Variants in ANK3 observed in about 807,000 individuals in gnomAD.
ANK3 encodes ankyrin 3.
Under a neutral mutation model 370.9 loss-of-function variants are expected in ANK3, and 57 were observed. The ratio of observed to expected loss-of-function variants is 0.15; its 90% CI spans 0.12 to 0.19. The LOEUF (loss-of-function observed/expected upper bound fraction) is 0.19. Ranked by LOEUF, ANK3 falls within the 10% of genes least tolerant of loss-of-function variation. ANK3 has a pLI of 1.00. For missense variants in ANK3, 4,439 were observed against 5,302.1 expected, an observed-to-expected ratio of 0.84 and a Z score of 5.06; for synonymous variants, 1,929 against 1,946.3, an observed-to-expected ratio of 0.99 and a Z score of 0.23.
chr10:60,071,826 A>G lies in ANK3; in HGVS notation c.9055T>C (p.Tyr3019His), dbSNP rs1564781047. Residue 3019 changes from tyrosine to histidine, a missense_variant, in exon 37 of 44, where the codon TAT (tyrosine) becomes CAT (histidine). Around this residue, in one of 13 missense-constraint regions of ANK3, gnomAD observed 1,601 missense variants for 1,731.7 expected, o/e 0.92. Coordinates refer to ENST00000280772, the MANE Select transcript of ANK3 (RefSeq NM_020987.5). ...TTGGAAACTTTGCTGATTTCTGAATAGGTAACTTTTTCATCTTCTATAGAA... is the reference window on the plus strand; with the variant it reads ...TTGGAAACTTTGCTGATTTCTGAATGGGTAACTTTTTCATCTTCTATAGAA... ...FNSIEDEKVT[Y>H]SEISKVSKHQ... The G allele has an allele frequency of 1.2e-6, 2 of 1,612,614 alleles. No homozygotes were observed. Among genetic ancestry groups the G allele is most frequent in the Non-Finnish European group, 1.7e-6 (2 of 1,179,208 alleles).
chr10:60,682,177 C>A (rs1248914449), intron 1 of ANK3, among the ~76,000 whole-genome samples: 3 of 152,082 alleles, frequency 2.0e-5, no homozygotes, highest in African/African-American at 4.8e-5. Context: ...TTAGCACTCC[C>A]ACGTTCTAAA....
At chr10:60,137,388 A>AAAAAAAAAAAAAAAAAAAAAAAAG (rs1392521789) in intron 24 of ANK3, 1 of 367,690 alleles carries the variant, frequency 2.7e-6, no homozygotes, top group Non-Finnish European at 5.3e-6. Flanking sequence ...AAAAAAAAAA[A>AAAAAAAAAAAAAAAAAAAAAAAAG]AAAACAAGAA....
At chr10:60,248,838 A>C (rs549789661) in intron 7 of ANK3, among the ~76,000 whole-genome samples, 35 of 152,340 alleles carry the variant, frequency 2.3e-4, no homozygotes, top group African/African-American at 8.4e-4. Flanking sequence ...CACAGAAGAG[A>C]AAATATATCC....
chr10:60,648,815 T>G (rs867411533), intron 1 of ANK3, among the ~76,000 whole-genome samples: 1 of 149,634 alleles, frequency 6.7e-6, no homozygotes, highest in African/African-American at 2.5e-5. Context: ...CTGCTTCTGC[T>G]CCTCTTCCCA....
rs142844826 is a variant in ANK3 at position 60,431,106 on chromosome 10, A to G, written c.97-151467T>C. 2.3e-3 allele frequency among the ~76,000 whole-genome samples: 353 copies of G among 152,314 alleles called. 1 individual carries two copies. The highest frequency in any genetic ancestry group is 8.2e-3 in the African/African-American group (339 of 41,574). On this transcript the variant is annotated intron_variant, in intron 2 of 43. Coordinates refer to the ANK3 transcript ENST00000373827. ...CGTACTTTGTTTCTATTATTAATAC[A>G]TTGTAATATACAATGAAATAATTAC... is the stretch of plus-strand genomic sequence containing the variant.
chr10:60,082,215 T>A (rs1407731769), intron 34 of ANK3, 39 bp from the exon 35 acceptor site: 1 of 1,552,950 alleles, frequency 6.4e-7, no homozygotes, highest in Non-Finnish European at 8.9e-7. Context: ...CAAGGAATAT[T>A]ATAATGGACA....
intron 38 of ANK3, among the ~76,000 whole-genome samples, chr10:60,066,646 G>A (rs755701217): frequency 6.6e-6 from 1 of 151,952 alleles, no homozygotes; most frequent in South Asian, 2.1e-4. Context: ...AAAAAAATTA[G>A]ATGAAACTGC....
At position 60,634,435 on chromosome 10, in the gene ANK3, T is replaced by C. The variant is rs927412448; in HGVS notation, c.58-19211A>G. Among the ~76,000 whole-genome samples the C allele has an allele frequency of 2.6e-5, 4 of 152,030 alleles. No homozygotes were observed. In the East Asian group the frequency reaches 5.8e-4, roughly 22 times the overall value. Reference sequence around the variant, plus strand: ...GGTCGAGTGGGGACTTGGAGAGCTTTTCTGTCTAGCTAAAGGATTGTAAAC... The same window carrying C: ...GGTCGAGTGGGGACTTGGAGAGCTTCTCTGTCTAGCTAAAGGATTGTAAAC... On this transcript the variant is annotated intron_variant, in intron 1 of 43. Coordinates refer to the ANK3 transcript ENST00000373827.
rs1177548111 is a variant in ANK3, at chr10:60,139,102, A to G, written c.2615-15T>C. 6.2e-7 allele frequency: 1 copy of G among 1,608,632 alleles called. No homozygotes were observed. The highest frequency in any genetic ancestry group is 8.5e-7 in the Non-Finnish European group (1 of 1,177,990). ...TGCATCTTCACCTGCAGATGTAGAG[A>G]GTAAGCCCACATCAAAAGCTTCCCT... On this transcript the variant is annotated splice_polypyrimidine_tract_variant and intron_variant, in intron 23 of 43. Coordinates refer to ENST00000280772, the MANE Select transcript of ANK3 (RefSeq NM_020987.5).
chr10:60,377,480 T>C (rs2060944046), intron 1 of ANK3, among the ~76,000 whole-genome samples: 1 of 152,204 alleles, frequency 6.6e-6, no homozygotes, highest in Admixed American at 6.5e-5. Context: ...AACATCCCCA[T>C]GTAATATTTG....
At chr10:60,476,235 C>A (rs797008566) in intron 2 of ANK3, among the ~76,000 whole-genome samples, 9 of 152,166 alleles carry the variant, frequency 5.9e-5, no homozygotes, top group African/African-American at 2.2e-4. Context: ...TCTCCAAAAT[C>A]ATGTTCATAA....
At chr10:60,166,754 C>G in intron 22 of ANK3, 70 bp downstream of exon 22, 1 of 1,591,110 alleles carries the variant, frequency 6.3e-7, no homozygotes, top group Non-Finnish European at 8.6e-7. Context: ...TTGCAATGGA[C>G]TTTCTTCAGG....
In ANK3 at chr10:60,028,903, T is replaced by C. The variant is rs2072677901; in HGVS notation, c.*943A>G. ...GGTCATTTCATTGAAAAATTGGCAA[T>C]AGCAACAAATATTAGATGAAGGGCT... On this transcript the variant is annotated 3_prime_UTR_variant, in exon 44 of 44. Coordinates refer to ENST00000280772, the MANE Select transcript of ANK3 (RefSeq NM_020987.5). The C allele has an allele frequency of 6.6e-6, 1 of 152,276 alleles. No homozygotes were observed. Among genetic ancestry groups the C allele is most frequent in the African/African-American group, 2.4e-5 (1 of 41,322 alleles). The allele number at this position is 152,276 out of a possible 1,614,324, so 9.4% of individuals were successfully genotyped here. A position where few individuals can be genotyped will look rare whatever the true frequency, so the allele number is the denominator to read the frequency against.
At chr10:60,202,916 TAAAAAATAA>T (rs1405168048) in intron 12 of ANK3, 77 bp downstream of exon 12, 5 of 908,024 alleles carry the variant, frequency 5.5e-6, no homozygotes, top group Non-Finnish European at 8.4e-6. Flanking sequence ...CTTAAAAAAA[TAAAAAATAA>T]AAAAAGTAGA....
intron 1 of ANK3, among the ~76,000 whole-genome samples, chr10:60,356,177 A>G (rs1566810661): frequency 6.6e-6 from 1 of 152,210 alleles, no homozygotes; most frequent in Non-Finnish European, 1.5e-5. Context: ...TGGTTTAGCC[A>G]TCCTGCATGT....
intron 2 of ANK3, among the ~76,000 whole-genome samples, chr10:60,456,792 A>T (rs1324961118): frequency 1.3e-5 from 2 of 151,962 alleles, no homozygotes; most frequent in African/African-American, 4.8e-5. Context: ...CTACTTGGGG[A>T]TTGCCACCTG....
intron 2 of ANK3, among the ~76,000 whole-genome samples, chr10:60,455,586 C>T (rs2064725879): frequency 6.6e-6 from 1 of 152,070 alleles, no homozygotes; most frequent in African/African-American, 2.4e-5. Context: ...TTTACTTTGC[C>T]TATAAATATA....
intron 21 of ANK3, among the ~76,000 whole-genome samples, chr10:60,167,958 G>A (rs946464880): frequency 8.5e-5 from 13 of 152,112 alleles, no homozygotes; most frequent in Non-Finnish European, 1.5e-4. Context: ...TAGAATAATT[G>A]TGAAGATAGT....
At chr10:60,036,031 C>A (rs1206515493) in intron 43 of ANK3, among the ~76,000 whole-genome samples, 1 of 152,124 alleles carries the variant, frequency 6.6e-6, no homozygotes, top group Non-Finnish European at 1.5e-5. Context: ...ATCAGGAAAT[C>A]CAGACCTGTC....
Sources: allele counts gnomAD v4.1 joint callset (sites outside exome capture counted in the v4.1 genomes callset), GRCh38; gene constraint gnomAD v4.1.1; regional missense constraint gnomAD v4.1.1; transcripts MANE v1.5; gene names NCBI Gene and HGNC (gene_info 2026-07-23, HGNC 2026-07-21).